Variants in ADAM7 observed in about 807,000 individuals in gnomAD.
The protein encoded by ADAM7 is disintegrin and metalloproteinase domain-containing protein 7.
Under a neutral mutation model 102.9 loss-of-function variants are expected in ADAM7, and 97 were observed. The observed-to-expected ratio is 0.94, with a 90% CI of 0.80 to 1.12. ADAM7 has a LOEUF of 1.12. Among genes scored for constraint, ADAM7 ranks in the 50% most tolerant of loss-of-function variants. The probability of loss-of-function intolerance (pLI) is 0.00; values close to 1 mark genes in which losing one functional copy is unlikely to be tolerated. For missense variants in ADAM7, 991 were observed against 908.7 expected (o/e 1.09, Z -1.16); for synonymous variants, 334 against 304.4 (o/e 1.10, Z -1.01).
At chr8:24,492,136 T>A (rs980156308) in intron 14 of ADAM7, 38 bp downstream of exon 14, 2 of 1,576,512 alleles carry the variant, frequency 1.3e-6, no homozygotes, top group Middle Eastern at 1.7e-4. Flanking sequence ...ACACAGATGG[T>A]GGCCTCTATT....
At chr8:24,472,447 GTTAAA>G (rs1819639139) in intron 7 of ADAM7, among the ~76,000 whole-genome samples, 1 of 151,856 alleles carries the variant, frequency 6.6e-6, no homozygotes, top group Non-Finnish European at 1.5e-5. Context: ...AACAGAAATT[GTTAAA>G]TTAAACCACT....
rs542983657 is a variant in ADAM7, at chr8:24,453,815, A to G, written c.233+6553A>G. 2.6e-5 allele frequency among the ~76,000 whole-genome samples: 4 copies of G among 152,230 alleles called. No individual in the cohort carries two copies. In the South Asian group the frequency reaches 8.3e-4, roughly 32 times the overall value. ...TTTTGGTCTCTGATGATGGTGATGT[A>G]CAGATGGGTTTTTGGTGTGGATGTC... is the stretch of plus-strand genomic sequence containing the variant. On this transcript the variant is annotated intron_variant, in intron 3 of 21. Transcript: ENST00000175238.
chr8:24,455,621 G>C (rs1343735873), intron 3 of ADAM7, among the ~76,000 whole-genome samples: 1 of 152,184 alleles, frequency 6.6e-6, no homozygotes, highest in African/African-American at 2.4e-5. Context: ...ATCCAGGCTG[G>C]TCTGAAACTC....
chr8:24,493,061 G>C lies in ADAM7; in HGVS notation c.1674G>C (p.Lys558Asn). The C allele has an allele frequency of 6.3e-7, 1 of 1,593,996 alleles. No homozygotes were observed. Among genetic ancestry groups the C allele is most frequent in the Non-Finnish European group, 8.5e-7 (1 of 1,173,526 alleles). Reference sequence around the variant, plus strand: ...CCTTCAGAGATGTCAGATGTGGAAAGATCTACTGCACTGGAGGGGAGCTTT... The same window carrying C: ...CCTTCAGAGATGTCAGATGTGGAAACATCTACTGCACTGGAGGGGAGCTTT... ...PCEEKDVRCG[K>N]IYCTGGELSS... The change falls in exon 16 of 22, where the codon AAG becomes AAC. Residue 558 changes from lysine to asparagine, a missense_variant. Physicochemically the swap from Lys to Asn is moderately conservative, Grantham distance 94 (BLOSUM62 0). Coordinates refer to ENST00000175238, the MANE Select transcript of ADAM7 (RefSeq NM_003817.4).
At chr8:24,503,666 C>CAT (rs1820840703) in intron 20 of ADAM7, among the ~76,000 whole-genome samples, 1 of 152,036 alleles carries the variant, frequency 6.6e-6, no homozygotes, top group Non-Finnish European at 1.5e-5. Context: ...GAAAATGTGG[C>CAT]ATATATATAC....
At chr8:24,446,376 A>G (rs1368445154) in intron 2 of ADAM7, among the ~76,000 whole-genome samples, 1 of 152,190 alleles carries the variant, frequency 6.6e-6, no homozygotes, top group Non-Finnish European at 1.5e-5. Flanking sequence ...CATAATATCT[A>G]TTATTGGTAA....
chr8:24,483,463 C>T (rs547925329), intron 9 of ADAM7, among the ~76,000 whole-genome samples: 5 of 152,270 alleles, frequency 3.3e-5, no homozygotes, highest in Admixed American at 6.5e-5. Flanking sequence ...GCAAACCCAG[C>T]GTGCTAATCT....
intron 3 of ADAM7, among the ~76,000 whole-genome samples, chr8:24,462,432 C>T (rs761858686): frequency 3.3e-5 from 5 of 152,160 alleles, no homozygotes; most frequent in African/African-American, 4.8e-5. Flanking sequence ...TTTATCCGTC[C>T]TCTATAAGGC....
chr8:24,445,483 G>C (rs573793316), intron 2 of ADAM7, among the ~76,000 whole-genome samples: 2 of 152,136 alleles, frequency 1.3e-5, no homozygotes, highest in South Asian at 2.1e-4. Context: ...GCTTAGTCTT[G>C]ACTACTCTCT....
Position 24,482,158 on chromosome 8 carries a change from A to G in ADAM7, c.722A>G (p.Asn241Ser). Residue 241 changes from asparagine (N) to serine (S), a missense_variant, in exon 9 of 22, where the codon AAC becomes AGC. Physicochemically the swap from Asn to Ser is conservative, Grantham distance 46 (BLOSUM62 1). Coordinates refer to ENST00000175238, the MANE Select transcript of ADAM7 (RefSeq NM_003817.4). ...NFVNMIYKTLNIHVTLVGIEI... is the reference protein window; with the variant it reads ...NFVNMIYKTLSIHVTLVGIEI... ...TTTGAACAGATTTATAAAACCTTAA[A>G]CATCCATGTGACGTTGGTTGGCATT... The G allele has an allele frequency of 6.3e-7, 1 of 1,584,996 alleles. No homozygotes were observed. The highest frequency in any genetic ancestry group is 1.4e-5 in the African/African-American group (1 of 73,040).
chr8:24,443,333 G>A (rs1239019908), intron 2 of ADAM7, among the ~76,000 whole-genome samples: 1 of 152,040 alleles, frequency 6.6e-6, no homozygotes, highest in Non-Finnish European at 1.5e-5. Flanking sequence ...CACTTGTTAG[G>A]TTTCTCAGTC....
chr8:24,451,006 G>A (rs1282534295), intron 3 of ADAM7, among the ~76,000 whole-genome samples: 2 of 151,844 alleles, frequency 1.3e-5, no homozygotes, highest in African/African-American at 4.9e-5. Flanking sequence ...AAGCCCACTT[G>A]ATCATGGTGG....
Position 24,500,781 on chromosome 8 carries a change from A to G in ADAM7, c.2003-9A>G. 1 of 1,607,980 alleles carries G rather than the reference A, an allele frequency of 6.2e-7. No individual in the cohort carries two copies. Among genetic ancestry groups the G allele is most frequent in the Non-Finnish European group, 8.5e-7 (1 of 1,175,000 alleles). On this transcript the variant is annotated splice_polypyrimidine_tract_variant and intron_variant, in intron 18 of 21. Transcript: ENST00000175238. ...CCCTCGATGAAGCCCATGTTTCTTCATGTTGCAGATATCACCATCTTGGTT... is the reference window on the plus strand; with the variant it reads ...CCCTCGATGAAGCCCATGTTTCTTCGTGTTGCAGATATCACCATCTTGGTT...
chr8:24,471,748 T>C (rs1388487787), intron 7 of ADAM7, among the ~76,000 whole-genome samples: 1 of 151,974 alleles, frequency 6.6e-6, no homozygotes, highest in Non-Finnish European at 1.5e-5. Context: ...ATAACTATAT[T>C]ACATATATAC....
chr8:24,442,661 G>C, intron 2 of ADAM7, 85 bp downstream of exon 2: 1 of 1,089,756 alleles, frequency 9.2e-7, no homozygotes, highest in Non-Finnish European at 1.4e-6. Context: ...GAAGCAAATA[G>C]GGAGAGAGGA....
chr8:24,454,974 G>T (rs1371612230), intron 3 of ADAM7, among the ~76,000 whole-genome samples: 1 of 152,130 alleles, frequency 6.6e-6, no homozygotes, highest in Admixed American at 6.6e-5. Flanking sequence ...ATTAATAGAT[G>T]AAGAGTTTTA....
intron 8 of ADAM7, among the ~76,000 whole-genome samples, chr8:24,478,092 A>AT (rs1819828965): frequency 6.6e-6 from 1 of 152,108 alleles, no homozygotes; most frequent in Non-Finnish European, 1.5e-5. Context: ...CTATCTCACA[A>AT]TTTTTGTAGG....
chr8:24,474,550 A>G (rs1563384376), intron 7 of ADAM7, among the ~76,000 whole-genome samples: 1 of 152,088 alleles, frequency 6.6e-6, no homozygotes, highest in Non-Finnish European at 1.5e-5. Flanking sequence ...TGAGCATTCA[A>G]TATGCTAGGT....
intron 3 of ADAM7, among the ~76,000 whole-genome samples, chr8:24,455,026 T>A (rs989610002): frequency 6.6e-6 from 1 of 152,120 alleles, no homozygotes; most frequent in Non-Finnish European, 1.5e-5. Context: ...TAATTTAGAA[T>A]CTACTATACA....
Sources: allele counts gnomAD v4.1 joint callset (sites outside exome capture counted in the v4.1 genomes callset), GRCh38; gene constraint gnomAD v4.1.1; transcripts MANE v1.5; gene names NCBI Gene and HGNC (gene_info 2026-07-23, HGNC 2026-07-21).